SHB: variants seen among roughly 807,000 people sequenced by gnomAD.
The protein encoded by SHB is SH2 domain-containing adapter protein B.
In SHB, 20 loss-of-function variants were observed where a neutral mutation model predicts 52.3. The ratio of observed to expected loss-of-function variants is 0.38; its 90% CI spans 0.27 to 0.56. The LOEUF is 0.56. Ranked by LOEUF, SHB falls within the 20% of genes least tolerant of loss-of-function variation. SHB has a pLI of 0.71. For synonymous variants in SHB, 397 were observed against 316.5 expected (o/e 1.25, Z -2.70); for missense variants, 825 against 723.3 (o/e 1.14, Z -1.61).
At chr9:37,984,929 G>A (rs1348857511) in intron 2 of SHB, among the ~76,000 whole-genome samples, 1 of 152,184 alleles carries the variant, frequency 6.6e-6, no homozygotes, top group Non-Finnish European at 1.5e-5. Context: ...GGCAAGGCAG[G>A]GCAGGGCAGC....
chr9:37,978,881 TGAAA>T (rs1820688037), intron 2 of SHB, among the ~76,000 whole-genome samples: 1 of 152,202 alleles, frequency 6.6e-6, no homozygotes, highest in South Asian at 2.1e-4. Context: ...GATGAGCACA[TGAAA>T]GAGAGTAAAT....
intron 1 of SHB, among the ~76,000 whole-genome samples, chr9:38,031,342 A>G (rs985161604): frequency 2.0e-5 from 3 of 152,190 alleles, no homozygotes; most frequent in Admixed American, 2.0e-4. Flanking sequence ...ACAAAACAAA[A>G]TCAAACGAAA....
intron 2 of SHB, 83 bp downstream of exon 2, chr9:38,015,928 T>C (rs748818400): frequency 5.0e-5 from 71 of 1,427,774 alleles, no homozygotes; most frequent in South Asian, 1.1e-4. Context: ...GTGAGGCTGG[T>C]TGGGGACCAC....
chr9:37,973,378 C>A lies in SHB; in HGVS notation c.1054+1244G>T, dbSNP rs1347472479. ...AGCTGAGATTACAGTCATGTGCCAC[C>A]ACGCCCAGCTAATTTTGTATTTTTA... On this transcript the variant is annotated intron_variant, in intron 3 of 5. Coordinates refer to ENST00000377707, the MANE Select transcript of SHB (RefSeq NM_003028.3). Among the ~76,000 whole-genome samples, 5 of 152,192 alleles carry A rather than the reference C, an allele frequency of 3.3e-5. No individual in the cohort carries two copies. In the East Asian group the frequency reaches 9.6e-4, roughly 29 times the overall value.
intron 2 of SHB, among the ~76,000 whole-genome samples, chr9:37,976,953 A>G (rs1053381560): frequency 1.3e-5 from 2 of 152,222 alleles, no homozygotes; most frequent in African/African-American, 2.4e-5. Flanking sequence ...ACACGCCACG[A>G]AGAAACAGAA....
chr9:38,015,957 C>T, intron 2 of SHB, 54 bp downstream of exon 2: 1 of 1,592,974 alleles, frequency 6.3e-7, no homozygotes, highest in Admixed American at 1.7e-5. Context: ...GCCCTCACTC[C>T]CTTTCTACCC....
rs554340820 is a variant in SHB at position 37,959,685 on chromosome 9, C to T, written c.1055-3631G>A. On this transcript the variant is annotated intron_variant, in intron 3 of 5. Transcript: ENST00000377707. ...AAGCTTTTCGGCACAACCCAAAAGG[C>T]TCTCTAGGACCCGGCTGCTTGTCCA... 2.2e-4 allele frequency among the ~76,000 whole-genome samples: 33 copies of T among 152,246 alleles called. No homozygotes were observed. The South Asian group carries it at 2.7e-3, about 12-fold the overall frequency.
intron 2 of SHB, among the ~76,000 whole-genome samples, chr9:37,996,442 C>T (rs1172982078): frequency 2.6e-5 from 4 of 152,216 alleles, no homozygotes; most frequent in African/African-American, 4.8e-5. Context: ...GAGGCCTGTA[C>T]GTGTGCAGAA....
At chr9:38,022,152 G>A (rs1194268915) in intron 1 of SHB, among the ~76,000 whole-genome samples, 1 of 152,122 alleles carries the variant, frequency 6.6e-6, no homozygotes, top group African/African-American at 2.4e-5. Flanking sequence ...TAATCTCTTA[G>A]AGAATATGAT....
At chr9:38,009,749 AC>A (rs1160606522) in intron 2 of SHB, among the ~76,000 whole-genome samples, 2 of 152,230 alleles carry the variant, frequency 1.3e-5, no homozygotes, top group Non-Finnish European at 2.9e-5. Flanking sequence ...GCCTACTAGC[AC>A]ACAGTTAAAA....
intron 3 of SHB, among the ~76,000 whole-genome samples, chr9:37,973,354 G>C (rs1038351085): frequency 6.6e-6 from 1 of 152,184 alleles, no homozygotes; most frequent in Non-Finnish European, 1.5e-5. Flanking sequence ...CTCCTGAGTA[G>C]CTGAGATTAC....
chr9:37,953,685 T>A (rs951713341), intron 4 of SHB, among the ~76,000 whole-genome samples: 7 of 152,206 alleles, frequency 4.6e-5, no homozygotes, highest in Admixed American at 4.6e-4. Context: ...CCCTCCTACC[T>A]CCCTCTGTGC....
chr9:38,027,714 T>C (rs1821362053), intron 1 of SHB, among the ~76,000 whole-genome samples: 3 of 151,400 alleles, frequency 2.0e-5, no homozygotes, highest in Admixed American at 2.0e-4. Flanking sequence ...GTGAGGGAGC[T>C]GGGGGTCAGG....
At chr9:38,034,378 A>G (rs1821455705) in intron 1 of SHB, among the ~76,000 whole-genome samples, 1 of 152,228 alleles carries the variant, frequency 6.6e-6, no homozygotes, top group East Asian at 1.9e-4. Flanking sequence ...ATGATCCACC[A>G]TGAGAGAGGA....
rs751512258 is a variant in SHB, at chr9:37,956,030, C to T, written c.1079G>A (p.Arg360Gln). Reference protein sequence around the residue: ...LAAQFNGNEKRQSSPSPSRDR... With the variant: ...LAAQFNGNEKQQSSPSPSRDR... ...CCGCGAAGGTGAGGGGGATGACTGC[C>T]GCTTCTCGTTGCCATTAAACTGTGC... Residue 360 changes from arginine (R) to glutamine (Q), a missense_variant, in exon 4 of 6, where the codon CGG becomes CAG. Coordinates refer to ENST00000377707, the MANE Select transcript of SHB (RefSeq NM_003028.3). 16 of 1,571,196 alleles carry T rather than the reference C, an allele frequency of 1.0e-5. No homozygotes were observed. The highest frequency in any genetic ancestry group is 1.7e-4 in the Middle Eastern group (1 of 5,894).
intron 5 of SHB, among the ~76,000 whole-genome samples, chr9:37,942,402 AG>A (rs1832444831): frequency 6.6e-6 from 1 of 152,188 alleles, no homozygotes; most frequent in African/African-American, 2.4e-5. Context: ...ACTGGAAGCA[AG>A]TTTACTAATC....
intron 1 of SHB, among the ~76,000 whole-genome samples, chr9:38,029,280 C>G (rs1465824745): frequency 6.6e-6 from 1 of 152,182 alleles, no homozygotes; most frequent in Non-Finnish European, 1.5e-5. Context: ...CATTTCTCTC[C>G]AGGGCAAAGC....
intron 1 of SHB, among the ~76,000 whole-genome samples, chr9:38,067,351 C>T (rs980063498): frequency 2.0e-5 from 3 of 152,014 alleles, no homozygotes; most frequent in Non-Finnish European, 2.9e-5. Flanking sequence ...TGGAGGTTCC[C>T]GGAGCAGCTC....
intron 2 of SHB, among the ~76,000 whole-genome samples, chr9:38,009,594 T>G (rs967274421): frequency 2.0e-5 from 3 of 152,178 alleles, no homozygotes; most frequent in African/African-American, 7.2e-5. Context: ...GAGGCCACAA[T>G]TGGAACATCG....
Sources: gnomAD v4.1 joint callset for allele counts (sites outside exome capture counted in the v4.1 genomes callset) on GRCh38, gnomAD v4.1.1 for gene constraint, MANE v1.5 for transcripts, NCBI Gene and HGNC (gene_info 2026-07-23, HGNC 2026-07-21) for gene names.